Variants in NRG1 observed in about 807,000 individuals in gnomAD.
The protein encoded by NRG1 is pro-neuregulin-1, membrane-bound isoform.
NRG1 carries 18 observed loss-of-function variants against 63.8 expected under a neutral mutation model. The ratio of observed to expected loss-of-function variants is 0.28; its 90% CI spans 0.19 to 0.42. NRG1 has a LOEUF of 0.42. Ranked by LOEUF, NRG1 falls within the 10% of genes least tolerant of loss-of-function variation. The pLI, the probability that NRG1 is intolerant of heterozygous loss-of-function variation, is 1.00. For missense variants in NRG1, 762 were observed against 814.7 expected (o/e 0.94, Z 0.79); for synonymous variants, 302 against 301.3 (o/e 1.00, Z -0.02).
At chr8:31,687,143 A>C (rs1447167459) in intron 1 of NRG1, among the ~76,000 whole-genome samples, 1 of 152,210 alleles carries the variant, frequency 6.6e-6, no homozygotes, top group Non-Finnish European at 1.5e-5. Flanking sequence ...ATATTCCTGA[A>C]AAAAGGAAAC....
At chr8:32,022,094 C>T (rs2130239068) in intron 1 of NRG1, among the ~76,000 whole-genome samples, 1 of 152,142 alleles carries the variant, frequency 6.6e-6, no homozygotes, top group Non-Finnish European at 1.5e-5. Context: ...TTAAACTATA[C>T]CTTTATAAAT....
chr8:32,502,788 T>A (rs958353135), intron 1 of NRG1, among the ~76,000 whole-genome samples: 2 of 152,120 alleles, frequency 1.3e-5, no homozygotes, highest in Non-Finnish European at 2.9e-5. Context: ...TAACCCTTAG[T>A]AACATTAACT....
At chr8:32,017,787 C>G (rs1563684465) in intron 1 of NRG1, among the ~76,000 whole-genome samples, 1 of 152,184 alleles carries the variant, frequency 6.6e-6, no homozygotes, top group Non-Finnish European at 1.5e-5. Flanking sequence ...CTCCAGGAAC[C>G]TCCACACATT....
At position 32,468,682 on chromosome 8, in the gene NRG1, G is replaced by C. The variant is rs551348042; in HGVS notation, c.38-127146G>C. 6.8e-5 allele frequency among the ~76,000 whole-genome samples: 10 copies of C among 148,060 alleles called. No individual in the cohort carries two copies. The South Asian group carries it at 2.1e-3, about 32-fold the overall frequency. ...TCTCTATCTGAGCTGTCACTAATTA[G>C]TATCTACTTAAATAAATATTTGAGC... On this transcript the variant is annotated intron_variant, in intron 1 of 10. Coordinates refer to the NRG1 transcript ENST00000519301.
intron 1 of NRG1, among the ~76,000 whole-genome samples, chr8:31,801,492 A>G (rs1026680820): frequency 3.3e-5 from 5 of 152,174 alleles, no homozygotes; most frequent in African/African-American, 1.2e-4. Flanking sequence ...TCCATTTTTA[A>G]GAAGCAGAGC....
At position 31,670,662 on chromosome 8, in the gene NRG1, C is replaced by A. The variant is rs113985857; in HGVS notation, c.37+31231C>A. On this transcript the variant is annotated intron_variant, in intron 1 of 10. Transcript: ENST00000519301. The stretch of plus-strand genomic sequence containing the variant: ...TCATATGAATATCAAGATTGGCTCC[C>A]ATTACATTTTGGCACTAGGTGTTAA... Among the ~76,000 whole-genome samples the A allele has an allele frequency of 5.8e-3, 884 of 152,066 alleles. 4 individuals carry two copies. Among genetic ancestry groups the A allele is most frequent in the Non-Finnish European group, 9.5e-3 (644 of 67,992 alleles).
At chr8:32,191,586 G>A (rs1842501927) in intron 1 of NRG1, among the ~76,000 whole-genome samples, 1 of 152,172 alleles carries the variant, frequency 6.6e-6, no homozygotes, top group African/African-American at 2.4e-5. Context: ...TTCCTTAGCA[G>A]AATACAGGCT....
chr8:32,077,501 T>C (rs1220481441), intron 1 of NRG1, among the ~76,000 whole-genome samples: 1 of 152,224 alleles, frequency 6.6e-6, no homozygotes, highest in Non-Finnish European at 1.5e-5. Flanking sequence ...GTAAGAAATA[T>C]AGATTAATTG....
chr8:32,422,625 A>T (rs1282495362), intron 1 of NRG1, among the ~76,000 whole-genome samples: 1 of 151,312 alleles, frequency 6.6e-6, no homozygotes, highest in African/African-American at 2.4e-5. Flanking sequence ...ACATATTACC[A>T]GTTTGCCAAC....
chr8:32,163,899 G>A (rs1468573127), intron 1 of NRG1, among the ~76,000 whole-genome samples: 2 of 152,168 alleles, frequency 1.3e-5, no homozygotes, highest in Non-Finnish European at 2.9e-5. Context: ...TTTGGCAGTG[G>A]AAGTAAAGAG....
At chr8:32,003,882 G>A (rs969043780) in intron 1 of NRG1, among the ~76,000 whole-genome samples, 4 of 151,418 alleles carry the variant, frequency 2.6e-5, no homozygotes, top group Admixed American at 1.3e-4. Flanking sequence ...AAGATAATAC[G>A]TTACTAAAGA....
chr8:31,718,437 A>G (rs971531240), intron 1 of NRG1, among the ~76,000 whole-genome samples: 4 of 152,202 alleles, frequency 2.6e-5, no homozygotes, highest in Non-Finnish European at 4.4e-5. Flanking sequence ...AAGCTGCTTC[A>G]TACTTTATAG....
chr8:32,682,765 A>G (rs569511416), intron 5 of NRG1, among the ~76,000 whole-genome samples: 132 of 152,166 alleles, frequency 8.7e-4, no homozygotes, highest in Admixed American at 3.7e-3. Context: ...AATTTATGTA[A>G]GAAAACTTAT....
intron 1 of NRG1, among the ~76,000 whole-genome samples, chr8:32,011,046 A>G (rs558269962): frequency 2.0e-5 from 3 of 152,180 alleles, no homozygotes; most frequent in African/African-American, 7.2e-5. Flanking sequence ...GGTGGGCCAA[A>G]CCATGATAAT....
chr8:31,996,752 T>G (rs889978829), intron 1 of NRG1, among the ~76,000 whole-genome samples: 1 of 151,862 alleles, frequency 6.6e-6, no homozygotes, highest in African/African-American at 2.4e-5. Context: ...TACATTTAGC[T>G]CAATTGACTA....
chr8:31,956,950 A>G (rs1413111434), intron 1 of NRG1, among the ~76,000 whole-genome samples: 1 of 152,186 alleles, frequency 6.6e-6, no homozygotes, highest in Non-Finnish European at 1.5e-5. Context: ...GTGAATTTTC[A>G]TTATTCATTC....
chr8:32,010,138 T>G (rs930606711), intron 1 of NRG1, among the ~76,000 whole-genome samples: 11 of 152,062 alleles, frequency 7.2e-5, no homozygotes, highest in Admixed American at 6.6e-5. Context: ...AGCTTGCGTC[T>G]TATTCTTAAT....
intron 1 of NRG1, among the ~76,000 whole-genome samples, chr8:32,078,539 G>C (rs1270662739): frequency 6.6e-6 from 1 of 152,156 alleles, no homozygotes; most frequent in Non-Finnish European, 1.5e-5. Context: ...GACCTGACCT[G>C]ATTTGCTATA....
chr8:31,776,285 C>T (rs1192687702), intron 1 of NRG1, among the ~76,000 whole-genome samples: 1 of 152,190 alleles, frequency 6.6e-6, no homozygotes, highest in African/African-American at 2.4e-5. Context: ...CCTTGTGCCT[C>T]CTAATTCCCA....
Sources: allele counts gnomAD v4.1 joint callset (sites outside exome capture counted in the v4.1 genomes callset), GRCh38; gene constraint gnomAD v4.1.1; transcripts MANE v1.5; gene names NCBI Gene and HGNC (gene_info 2026-07-23, HGNC 2026-07-21).